SLIT1: variants seen among roughly 807,000 people sequenced by gnomAD.
SLIT1 encodes the protein slit homolog 1 protein.
A neutral mutation model predicts 186.1 loss-of-function variants in SLIT1; 66 were observed. The ratio of observed to expected loss-of-function variants is 0.35; its 90% confidence interval spans 0.29 to 0.44. SLIT1 has a LOEUF of 0.44. SLIT1 is among the 20% of genes least tolerant of loss of function. SLIT1 has a pLI of 1.00. For synonymous variants in SLIT1, 761 were observed against 833.8 expected (o/e 0.91, Z 1.50); for missense variants, 1,638 against 2,037.4 (o/e 0.80, Z 3.77).
chr10:97,142,288 A>G (rs1211531525), intron 4 of SLIT1, among the ~76,000 whole-genome samples: 3 of 152,202 alleles, frequency 2.0e-5, no homozygotes, highest in African/African-American at 7.2e-5. Context: ...ACAGACAAAT[A>G]GACCAATGGA....
At chr10:97,039,697 A>G (rs1047668925) in intron 21 of SLIT1, among the ~76,000 whole-genome samples, 1 of 152,284 alleles carries the variant, frequency 6.6e-6, no homozygotes, top group Admixed American at 6.5e-5. Context: ...AGACAATGAC[A>G]GGCGGGAAAG....
intron 4 of SLIT1, among the ~76,000 whole-genome samples, chr10:97,111,553 T>C (rs1224650225): frequency 1.3e-5 from 2 of 152,366 alleles, no homozygotes; most frequent in African/African-American, 2.4e-5. Flanking sequence ...AGACTGCGTC[T>C]TTCCATGATG....
chr10:97,117,827 T>G (rs1849522821), intron 4 of SLIT1, among the ~76,000 whole-genome samples: 1 of 152,196 alleles, frequency 6.6e-6, no homozygotes, highest in South Asian at 2.1e-4. Context: ...CTAAAAGACC[T>G]CTGAAGTCAC....
At chr10:97,040,683 C>A (rs2134619726) in intron 20 of SLIT1, among the ~76,000 whole-genome samples, 1 of 152,306 alleles carries the variant, frequency 6.6e-6, no homozygotes, top group East Asian at 1.9e-4. Flanking sequence ...TTGCTTGAAT[C>A]ATAAAGTGGG....
intron 4 of SLIT1, among the ~76,000 whole-genome samples, chr10:97,151,452 T>G: frequency 3.8e-5 from 5 of 131,678 alleles, no homozygotes; most frequent in African/African-American, 1.5e-4. Flanking sequence ...TGGGAGGAGA[T>G]GGGGGATGGA....
intron 13 of SLIT1, 129 bp downstream of exon 13, chr10:97,056,192 C>T: frequency 2.0e-6 from 2 of 978,650 alleles, no homozygotes; most frequent in Non-Finnish European, 3.0e-6. Context: ...CTGTGTCCTT[C>T]CTCTGTAAGA....
At chr10:97,139,118 C>A (rs1024343962) in intron 4 of SLIT1, among the ~76,000 whole-genome samples, 1 of 152,156 alleles carries the variant, frequency 6.6e-6, no homozygotes, top group African/African-American at 2.4e-5. Context: ...AGGGTCCCCA[C>A]GGCCAAGTCA....
intron 1 of SLIT1, 113 bp downstream of exon 1, chr10:97,185,365 T>C: frequency 1.9e-6 from 2 of 1,047,676 alleles, no homozygotes; most frequent in Non-Finnish European, 2.8e-6. Context: ...GTCTGTGGGC[T>C]GCGGAGCCCG....
At chr10:97,020,485 C>G (rs957326313) in intron 26 of SLIT1, among the ~76,000 whole-genome samples, 5 of 152,266 alleles carry the variant, frequency 3.3e-5, no homozygotes, top group African/African-American at 4.8e-5. Flanking sequence ...TGACTTGCTC[C>G]CAACAGCCAA....
chr10:97,085,911 G>T (rs1410221231), intron 4 of SLIT1, among the ~76,000 whole-genome samples: 1 of 152,194 alleles, frequency 6.6e-6, no homozygotes, highest in Non-Finnish European at 1.5e-5. Flanking sequence ...TTAACAAACA[G>T]GTCCTTCACC....
At chr10:97,131,395 G>C (rs1398547527) in intron 4 of SLIT1, among the ~76,000 whole-genome samples, 1 of 152,232 alleles carries the variant, frequency 6.6e-6, no homozygotes, top group Non-Finnish European at 1.5e-5. Context: ...CTTTCTTCAG[G>C]CTGCGCCCAC....
intron 3 of SLIT1, among the ~76,000 whole-genome samples, 182 bp from the exon 4 acceptor site, chr10:97,158,071 T>C (rs1849974218): frequency 6.6e-6 from 1 of 152,126 alleles, no homozygotes; most frequent in Non-Finnish European, 1.5e-5. Context: ...AAAGTGGAGA[T>C]TCCACCACCC....
intron 4 of SLIT1, among the ~76,000 whole-genome samples, chr10:97,133,638 T>C (rs752307841): frequency 6.6e-6 from 1 of 152,232 alleles, no homozygotes; most frequent in Non-Finnish European, 1.5e-5. Context: ...ATCATTATGA[T>C]GGTAAATTTT....
chr10:97,163,490 G>A (rs1174635192), intron 2 of SLIT1, 39 bp from the exon 3 acceptor site: 1 of 1,580,672 alleles, frequency 6.3e-7, no homozygotes, highest in African/African-American at 1.3e-5. Flanking sequence ...ACAGGGTGTG[G>A]GACAAGGGCT....
At chr10:97,039,939 C>T in intron 21 of SLIT1, 49 bp downstream of exon 21, 1 of 1,603,762 alleles carries the variant, frequency 6.2e-7, no homozygotes, top group Non-Finnish European at 8.5e-7. Context: ...CCCCCACTGT[C>T]CCCGTCCTGT....
At chr10:97,036,563 C>T (rs1848640201) in intron 22 of SLIT1, among the ~76,000 whole-genome samples, 1 of 152,222 alleles carries the variant, frequency 6.6e-6, no homozygotes, top group African/African-American at 2.4e-5. Context: ...ACATTGTTTC[C>T]ATAGCAAGAC....
At chr10:97,134,640 C>T (rs1002405891) in intron 4 of SLIT1, among the ~76,000 whole-genome samples, 1 of 152,218 alleles carries the variant, frequency 6.6e-6, no homozygotes, top group Non-Finnish European at 1.5e-5. Context: ...TCCTCTCCCT[C>T]AGCAGGCATC....
In SLIT1 at chr10:97,056,342, G is replaced by T. The variant is rs150972617; in HGVS notation, c.1280C>A (p.Ser427Tyr). ...TCACAGAGTCTGGATGGCCCGCAGG[G>T]AGGTGAAAGTGCCCTTGGCGAGGCT... ...IQSLAKGTFT[S>Y]LRAIQTLHLA... The change falls in exon 13 of 37, where the codon TCC becomes TAC. Residue 427 changes from serine (S) to tyrosine (Y), a missense_variant. Physicochemically the swap from Ser to Tyr is moderately radical, Grantham distance 144. Transcript: ENST00000266058. The T allele has an allele frequency of 6.2e-7, 1 of 1,614,218 alleles. No homozygotes were observed. Among genetic ancestry groups the T allele is most frequent in the African/African-American group, 1.3e-5 (1 of 75,058 alleles).
Position 96,998,515 on chromosome 10 carries a change from G to C in SLIT1, c.*2597C>G, listed in dbSNP as rs552303988. On this transcript the variant is annotated 3_prime_UTR_variant, in exon 37 of 37. Coordinates refer to ENST00000266058, the MANE Select transcript of SLIT1 (RefSeq NM_003061.3). ...AGAGCGAACTAGGGGTCTTCACAAA[G>C]GGGGACAAGATGTGGAGAGAGGACT... The C allele has an allele frequency of 2.0e-5, 3 of 152,354 alleles. No homozygotes were observed. Among genetic ancestry groups the C allele is most frequent in the Admixed American group, 1.3e-4 (2 of 15,312 alleles). 9.4% of individuals were successfully genotyped at this position (152,354 alleles called of 1,614,324 possible).
Sources: allele counts gnomAD v4.1 joint callset (sites outside exome capture counted in the v4.1 genomes callset), GRCh38; gene constraint gnomAD v4.1.1; transcripts MANE v1.5; gene names NCBI Gene and HGNC (gene_info 2026-07-23, HGNC 2026-07-21).